TBC1D4: variants seen among roughly 807,000 people sequenced by gnomAD.
TBC1D4 encodes the protein TBC (Tre-2, BUB2, CDC16) domain-containing protein.
Under a neutral mutation model 142.5 loss-of-function variants are expected in TBC1D4, and 121 were observed. The observed-to-expected ratio is 0.85, with a 90% CI of 0.73 to 0.99. The LOEUF (loss-of-function observed/expected upper bound fraction) is 0.99, where lower values mean the gene tolerates loss of function less well. TBC1D4 is among the 50% of genes least tolerant of loss of function. The pLI, the probability that TBC1D4 is intolerant of heterozygous loss-of-function variation, is 0.00. For missense variants in TBC1D4, 1,475 were observed against 1,606.6 expected (o/e 0.92, Z 1.40); for synonymous variants, 630 against 628.2 (o/e 1.00, Z -0.04).
At chr13:75,325,992 C>T (rs1298107437) in intron 10 of TBC1D4, among the ~76,000 whole-genome samples, 1 of 152,180 alleles carries the variant, frequency 6.6e-6, no homozygotes, top group Non-Finnish European at 1.5e-5. Context: ...AGAGTTTCCA[C>T]CCAAACGAAT....
At chr13:75,395,857 A>C (rs550629917) in intron 1 of TBC1D4, among the ~76,000 whole-genome samples, 2 of 152,208 alleles carry the variant, frequency 1.3e-5, no homozygotes, top group East Asian at 3.9e-4. Context: ...AAAATAAATA[A>C]ATAAAAGAAA....
intron 19 of TBC1D4, 144 bp downstream of exon 19, chr13:75,291,958 G>T: frequency 1.3e-6 from 1 of 745,956 alleles, no homozygotes; most frequent in Non-Finnish European, 2.1e-6. Context: ...TCACAGTGTA[G>T]AAATTTCACA....
intron 1 of TBC1D4, among the ~76,000 whole-genome samples, chr13:75,443,709 T>A (rs867599492): frequency 2.6e-5 from 4 of 152,170 alleles, no homozygotes; most frequent in Non-Finnish European, 4.4e-5. Flanking sequence ...AAAGGGACAA[T>A]AGATTCCCCT....
intron 1 of TBC1D4, chr13:75,376,156 T>C (rs1034461255): frequency 1.3e-5 from 2 of 151,996 alleles, no homozygotes; most frequent in African/African-American, 4.8e-5. Flanking sequence ...TTAAGAAAAG[T>C]AAGGCTGAAC....
At chr13:75,413,680 A>T (rs1202957738) in intron 1 of TBC1D4, among the ~76,000 whole-genome samples, 1 of 152,170 alleles carries the variant, frequency 6.6e-6, no homozygotes, top group African/African-American at 2.4e-5. Flanking sequence ...TTAGTCTTAA[A>T]AGGATAGAGT....
At chr13:75,329,821 T>A (rs1879599351) in intron 8 of TBC1D4, among the ~76,000 whole-genome samples, 2 of 152,246 alleles carry the variant, frequency 1.3e-5, no homozygotes, top group South Asian at 2.1e-4. Flanking sequence ...CTTCCAAATA[T>A]CTTAGCATTG....
intron 1 of TBC1D4, among the ~76,000 whole-genome samples, chr13:75,403,003 C>A (rs1156705335): frequency 6.6e-6 from 1 of 152,192 alleles, no homozygotes; most frequent in Non-Finnish European, 1.5e-5. Context: ...TCCAGTTTCA[C>A]AGTATCTCTG....
chr13:75,310,241 T>C, intron 13 of TBC1D4, 90 bp from the exon 14 acceptor site: 1 of 1,323,254 alleles, frequency 7.6e-7, no homozygotes, highest in Non-Finnish European at 1.1e-6. Flanking sequence ...TCTGATCTTC[T>C]ACACTTAAAA....
intron 15 of TBC1D4, among the ~76,000 whole-genome samples, chr13:75,305,067 C>T (rs539883045): frequency 6.6e-6 from 1 of 152,212 alleles, no homozygotes; most frequent in East Asian, 1.9e-4. Context: ...GCAGTTTCCC[C>T]CATACTGTTC....
At position 75,326,332 on chromosome 13, in the gene TBC1D4, G is replaced by A. The variant is rs1183029321; in HGVS notation, c.1898C>T (p.Ser633Phe). 1.9e-6 allele frequency: 3 copies of A among 1,614,114 alleles called. No homozygotes were observed. Among genetic ancestry groups the A allele is most frequent in the Admixed American group, 1.7e-5 (1 of 60,022 alleles). ...GTGTGCCCGTCTTCGAAACTGCGGG[G>A]AGTCGGAATCCTCTTCGGGAAACGT... is the stretch of plus-strand genomic sequence containing the variant. ...WQTFPEEDSDSPQFRRRAHTF... is the reference protein window; with the variant it reads ...WQTFPEEDSDFPQFRRRAHTF... Residue 633 changes from serine (S) to phenylalanine (F), a missense_variant, in exon 10 of 21, where the codon TCC becomes TTC. By Grantham distance (155) the Ser-to-Phe change is radical (BLOSUM62 -2). Transcript: ENST00000377636.
chr13:75,481,208 CG>C, intron 1 of TBC1D4, 61 bp downstream of exon 1: 55 of 1,448,584 alleles, frequency 3.8e-5, no homozygotes, highest in Non-Finnish European at 4.3e-5. Context: ...CCGCCCCTCC[CG>C]CCCTGCTCCC....
chr13:75,312,494 T>C (rs1877875131), intron 13 of TBC1D4, among the ~76,000 whole-genome samples: 1 of 151,706 alleles, frequency 6.6e-6, no homozygotes, highest in Non-Finnish European at 1.5e-5. Flanking sequence ...CAGTTCCGTC[T>C]ACCTTGTGGA....
chr13:75,320,285 TAGA>T (rs1566374914), intron 11 of TBC1D4, among the ~76,000 whole-genome samples: 1 of 152,188 alleles, frequency 6.6e-6, no homozygotes, highest in African/African-American at 2.4e-5. Context: ...TATCAGTGAA[TAGA>T]AGTAGTATCT....
chr13:75,324,321 G>T lies in TBC1D4; in HGVS notation c.2114C>A (p.Ala705Asp). ...GAAAGAGGGGGCAGTGAAGGAAGGG[G>T]CAGAGAAGGAAGTGTGAAGACTTGG... ...SLPSLHTSFS[A>D]PSFTAPSFLK... is the part of the protein sequence containing the mutation. Residue 705 changes from alanine (A) to aspartate (D), a missense_variant, in exon 11 of 21, where the codon GCC (alanine) becomes GAC (aspartate). Ala to Asp is a moderately radical substitution (Grantham distance 126, BLOSUM62 -2). Around this residue, in one of 2 missense-constraint regions of TBC1D4, gnomAD observed 1,227 missense variants for 1,267.7 expected, o/e 0.97. Coordinates refer to ENST00000377636, the MANE Select transcript of TBC1D4 (RefSeq NM_014832.5). 6.2e-7 allele frequency: 1 copy of T among 1,613,968 alleles called. No individual in the cohort carries two copies. Among genetic ancestry groups the T allele is most frequent in the Non-Finnish European group, 8.5e-7 (1 of 1,179,864 alleles).
chr13:75,396,176 G>A (rs1039886733), intron 1 of TBC1D4, among the ~76,000 whole-genome samples: 4 of 152,142 alleles, frequency 2.6e-5, no homozygotes, highest in Non-Finnish European at 4.4e-5. Flanking sequence ...CTCAACAGAC[G>A]TAGAAAAAAA....
chr13:75,302,653 G>C, intron 15 of TBC1D4: 1 of 541,060 alleles, frequency 1.8e-6, no homozygotes, highest in Non-Finnish European at 3.3e-6. Context: ...ACCCGTTGCT[G>C]ACTGAGCATT....
At chr13:75,393,189 G>A (rs969294737) in intron 1 of TBC1D4, among the ~76,000 whole-genome samples, 21 of 149,312 alleles carry the variant, frequency 1.4e-4, no homozygotes, top group African/African-American at 4.9e-4. Flanking sequence ...ACTGCATTTG[G>A]TTTTGTTTTT....
chr13:75,363,308 A>C (rs192880517), intron 1 of TBC1D4, among the ~76,000 whole-genome samples: 63 of 152,298 alleles, frequency 4.1e-4, no homozygotes, highest in Non-Finnish European at 8.2e-4. Flanking sequence ...ACAAATATTC[A>C]AAGGCACTTT....
At chr13:75,421,373 G>A (rs899782017) in intron 1 of TBC1D4, among the ~76,000 whole-genome samples, 15 of 152,282 alleles carry the variant, frequency 9.9e-5, no homozygotes, top group Middle Eastern at 3.4e-3. Flanking sequence ...TGTGAACTCA[G>A]CTGGGGAGTT....
Sources: allele counts gnomAD v4.1 joint callset (sites outside exome capture counted in the v4.1 genomes callset), GRCh38; gene constraint gnomAD v4.1.1; regional missense constraint gnomAD v4.1.1; transcripts MANE v1.5; gene names NCBI Gene and HGNC (gene_info 2026-07-23, HGNC 2026-07-21).